The following PELO variants were observed in gnomAD, a reference collection of about 807,000 sequenced individuals.
PELO encodes pelota mRNA surveillance and ribosome rescue factor.
In PELO, 19 loss-of-function variants were observed where a neutral mutation model predicts 25.9. The observed-to-expected ratio is 0.73, with a 90% CI of 0.51 to 1.08. The LOEUF (loss-of-function observed/expected upper bound fraction) is 1.08, where lower values mean the gene tolerates loss of function less well. PELO is among the 50% of genes least tolerant of loss of function. The probability of loss-of-function intolerance (pLI) is 0.00; values close to 1 mark genes in which losing one functional copy is unlikely to be tolerated. For missense variants in PELO, 498 were observed against 491.4 expected (o/e 1.01, Z -0.13); for synonymous variants, 196 against 192.2 (o/e 1.02, Z -0.16).
intron 1 of PELO, among the ~76,000 whole-genome samples, chr5:52,793,341 A>T (rs983799785): frequency 1.6e-4 from 25 of 152,050 alleles, no homozygotes; most frequent in Admixed American, 1.4e-3. Flanking sequence ...TCCCTTTATT[A>T]TATACCTCTG....
intron 1 of PELO, among the ~76,000 whole-genome samples, chr5:52,794,697 T>C (rs1748307657): frequency 6.6e-6 from 1 of 151,872 alleles, no homozygotes; most frequent in South Asian, 2.1e-4. Flanking sequence ...ACTTTCCCTT[T>C]TACCCTTTTG....
intron 1 of PELO, among the ~76,000 whole-genome samples, chr5:52,793,295 T>C (rs10060116): frequency 0.015 from 2,345 of 152,166 alleles, 65 homozygotes; most frequent in African/African-American, 0.053. Context: ...GAATTGACTA[T>C]TGACAAACTC....
chr5:52,802,498 A>G lies in PELO; in HGVS notation c.*658A>G, dbSNP rs1580031122. The G allele has an allele frequency of 1.3e-5, 2 of 152,250 alleles. No homozygotes were observed. Among genetic ancestry groups the G allele is most frequent in the South Asian group, 4.1e-4 (2 of 4,828 alleles). The allele number at this position is 152,250 out of a possible 1,614,324, so 9.4% of individuals were successfully genotyped here. On this transcript the variant is annotated 3_prime_UTR_variant, in exon 3 of 3. Coordinates refer to ENST00000274311, the MANE Select transcript of PELO (RefSeq NM_015946.5). The stretch of plus-strand genomic sequence containing the variant: ...ATATTTGATTTAGAGGGTAACTTAA[A>G]TCAGTTATTTTTAGCTTTTTAGAAC...
In PELO at chr5:52,798,642, C is replaced by A. The variant is rs148892188; in HGVS notation, c.-510-1243C>A. Among the ~76,000 whole-genome samples, 449 of 152,220 alleles carry A rather than the reference C, an allele frequency of 2.9e-3. 5 individuals carry two copies. Among genetic ancestry groups the A allele is most frequent in the African/African-American group, 0.01 (417 of 41,544 alleles). ...AGCAGGGGGAAAATAGTCATTCATG[C>A]CTCTGTCTGGCTTAGTCAATCTGAA... On this transcript the variant is annotated intron_variant, in intron 1 of 2. Transcript: ENST00000274311.
At chr5:52,788,533 G>A in intron 1 of PELO, 119 bp downstream of exon 1, 2 of 770,972 alleles carry the variant, frequency 2.6e-6, no homozygotes, top group Non-Finnish European at 3.8e-6. Context: ...CCACTTTCGG[G>A]CATTCCAGGT....
Position 52,800,126 on chromosome 5 carries a change from G to A in PELO, c.-269G>A. Reference sequence around the variant, plus strand: ...GTCAGCCCGCTGTTGCGTGCTGCCAGCGGGAACTGTGTAGGGGTAGATTTT... The same window carrying A: ...GTCAGCCCGCTGTTGCGTGCTGCCAACGGGAACTGTGTAGGGGTAGATTTT... On this transcript the variant is annotated 5_prime_UTR_variant, in exon 2 of 3. Coordinates refer to ENST00000274311, the MANE Select transcript of PELO (RefSeq NM_015946.5). 2 of 429,974 alleles carry A rather than the reference G, an allele frequency of 4.7e-6. No homozygotes were observed. The highest frequency in any genetic ancestry group is 5.7e-5 in the South Asian group (2 of 34,940). 26.6% of individuals were successfully genotyped at this position (429,974 alleles called of 1,614,324 possible).
Position 52,788,342 on chromosome 5 carries a change from G to T in PELO, c.-583G>T. The T allele has an allele frequency of 6.7e-7, 1 of 1,502,514 alleles. No individual in the cohort carries two copies. The highest frequency in any genetic ancestry group is 1.2e-5 in the South Asian group (1 of 80,844). The allele number at this position is 1,502,514 out of a possible 1,614,324, so 93.1% of individuals were successfully genotyped here. On this transcript the variant is annotated 5_prime_UTR_variant, in exon 1 of 3. Coordinates refer to ENST00000274311, the MANE Select transcript of PELO (RefSeq NM_015946.5). Reference sequence around the variant, plus strand: ...ACCAGCGCGGCCCCCTGGCGCTGAGGCTGCTCCGGCCATGGCCCCTCGGCC... The same window carrying T: ...ACCAGCGCGGCCCCCTGGCGCTGAGTCTGCTCCGGCCATGGCCCCTCGGCC...
intron 1 of PELO, among the ~76,000 whole-genome samples, chr5:52,794,334 T>C (rs1487422038): frequency 6.6e-6 from 1 of 152,038 alleles, no homozygotes; most frequent in Non-Finnish European, 1.5e-5. Flanking sequence ...AAATTAAATG[T>C]ACTTTCAAAA....
intron 1 of PELO, among the ~76,000 whole-genome samples, chr5:52,798,722 A>G (rs1748394977): frequency 6.6e-6 from 1 of 152,178 alleles, no homozygotes; most frequent in Non-Finnish European, 1.5e-5. Flanking sequence ...ACAATCAGAT[A>G]TGCATTTGTG....
Position 52,800,278 on chromosome 5 carries a change from G to A in PELO, c.-117G>A. 1.9e-6 allele frequency: 2 copies of A among 1,055,342 alleles called. No individual in the cohort carries two copies. The highest frequency in any genetic ancestry group is 2.8e-6 in the Non-Finnish European group (2 of 712,574). The allele number at this position is 1,055,342 out of a possible 1,614,324, so 65.4% of individuals were successfully genotyped here. ...CGTGTTTCCTTCCCGCCAGGCAAGT[G>A]CCCTTAGAAACCGGGCCCCGCCCCC... On this transcript the variant is annotated 5_prime_UTR_variant, in exon 2 of 3. Coordinates refer to ENST00000274311, the MANE Select transcript of PELO (RefSeq NM_015946.5).
chr5:52,792,882 G>T (rs965547674), intron 1 of PELO, among the ~76,000 whole-genome samples: 3 of 152,142 alleles, frequency 2.0e-5, no homozygotes, highest in Non-Finnish European at 4.4e-5. Context: ...TCTGTGACTG[G>T]AGAATTGTAT....
chr5:52,793,488 A>G (rs1748281508), intron 1 of PELO, among the ~76,000 whole-genome samples: 2 of 152,080 alleles, frequency 1.3e-5, no homozygotes, highest in African/African-American at 2.4e-5. Flanking sequence ...TCCCAATCCA[A>G]TTATAATTGC....
Position 52,800,161 on chromosome 5 carries a change from G to A in PELO, c.-234G>A. On this transcript the variant is annotated 5_prime_UTR_variant, in exon 2 of 3. Coordinates refer to ENST00000274311, the MANE Select transcript of PELO (RefSeq NM_015946.5). ...TGTAGGGGTAGATTTTCGCTGCAGT[G>A]TTCCCCGAGCCTGTTAGACGCAGCG... 1 of 562,058 alleles carries A rather than the reference G, an allele frequency of 1.8e-6. No homozygotes were observed. Among genetic ancestry groups the A allele is most frequent in the Non-Finnish European group, 3.2e-6 (1 of 313,108 alleles). The allele number at this position is 562,058 out of a possible 1,614,324, so 34.8% of individuals were successfully genotyped here.
intron 1 of PELO, among the ~76,000 whole-genome samples, chr5:52,792,741 C>T (rs1046544231): frequency 6.6e-6 from 1 of 152,102 alleles, no homozygotes; most frequent in Admixed American, 6.5e-5. Flanking sequence ...CTATTCTTTA[C>T]CTACACTTCT....
chr5:52,800,256 GT>G lies in PELO; in HGVS notation c.-136del, dbSNP rs752814686. 1.5e-5 allele frequency: 12 copies of G among 806,022 alleles called. No homozygotes were observed. The highest frequency in any genetic ancestry group is 2.4e-5 in the Non-Finnish European group (12 of 502,050). 49.9% of individuals were successfully genotyped at this position (806,022 alleles called of 1,614,324 possible). On this transcript the variant is annotated 5_prime_UTR_variant, in exon 2 of 3. The change abolishes the stop of an existing upstream ORF in the 5' untranslated region. Transcript: ENST00000274311. Reference sequence around the variant, plus strand: ...AGGCTGCATGAGTCGAAGCAAGCGTGTTTCCTTCCCGCCAGGCAAGTGCCCT... The same window carrying G: ...AGGCTGCATGAGTCGAAGCAAGCGTGTTCCTTCCCGCCAGGCAAGTGCCCT...
intron 1 of PELO, among the ~76,000 whole-genome samples, chr5:52,798,410 A>AT (rs11410487): frequency 0.91 from 138,451 of 152,204 alleles, 63,047 homozygotes; most frequent in Middle Eastern, 0.93. Flanking sequence ...TAGGAAGATA[A>AT]TGACACTTAA....
rs577287929 is a variant in PELO at position 52,793,278 on chromosome 5, C to T, written c.-511+4864C>T. ...ATAGGCACTTTTTAATTGAATGAATCGCAAAAGAATTGACTATTGACAAAC... is the reference window on the plus strand; with the variant it reads ...ATAGGCACTTTTTAATTGAATGAATTGCAAAAGAATTGACTATTGACAAAC... On this transcript the variant is annotated intron_variant, in intron 1 of 2. Transcript: ENST00000274311. Among the ~76,000 whole-genome samples the T allele has an allele frequency of 1.4e-4, 21 of 152,084 alleles. No individual in the cohort carries two copies. The South Asian group carries it at 2.5e-3, about 18-fold the overall frequency.
intron 2 of PELO, 72 bp downstream of exon 2, chr5:52,801,192 G>A (rs1334915141): frequency 1.4e-6 from 2 of 1,416,368 alleles, no homozygotes; most frequent in Non-Finnish European, 1.9e-6. Flanking sequence ...TAAAGTTTTA[G>A]AACTGGGAAA....
chr5:52,800,355 T>G lies in PELO; in HGVS notation c.-40T>G, dbSNP rs199658918. 1.9e-5 allele frequency: 31 copies of G among 1,611,280 alleles called. No individual in the cohort carries two copies. Among genetic ancestry groups the G allele is most frequent in the Non-Finnish European group, 2.5e-5 (29 of 1,179,330 alleles). ...TCCCGGGGCGGAGGTGAGGACCTCC[T>G]TGGTTCCTTTGGTTCTGTCAGTGAG... On this transcript the variant is annotated 5_prime_UTR_variant, in exon 2 of 3. Coordinates refer to ENST00000274311, the MANE Select transcript of PELO (RefSeq NM_015946.5).
Sources: allele counts gnomAD v4.1 joint callset (sites outside exome capture counted in the v4.1 genomes callset), GRCh38; gene constraint gnomAD v4.1.1; transcripts MANE v1.5; gene names NCBI Gene and HGNC (gene_info 2026-07-23, HGNC 2026-07-21).